ZNF600: variants seen among roughly 807,000 people sequenced by gnomAD.
The protein encoded by ZNF600 is zinc finger protein 600.
In ZNF600, 4 loss-of-function variants were observed where a neutral mutation model predicts 7.3. The observed-to-expected ratio is 0.55, with a 90% CI of 0.27 to 1.25. The LOEUF is 1.25. Among genes scored for constraint, ZNF600 ranks in the 50% most tolerant of loss-of-function variants. ZNF600 has a pLI of 0.12. For missense variants in ZNF600, 911 were observed against 922.1 expected (o/e 0.99, Z 0.16); for synonymous variants, 290 against 308.9 (o/e 0.94, Z 0.64).
At chr19:52,817,485 A>G in the ZNF600 span, among the ~76,000 whole-genome samples, 1 of 152,166 alleles carries the variant, frequency 6.6e-6, no homozygotes, top group Non-Finnish European at 1.5e-5. Flanking sequence ...TCACTCAATT[A>G]CCTAAAAATG....
upstream of ZNF600, among the ~76,000 whole-genome samples, chr19:52,787,755 GA>G (rs2062777554): frequency 6.7e-6 from 1 of 149,526 alleles, no homozygotes; most frequent in African/African-American, 2.5e-5. Flanking sequence ...AGCTACTAGG[GA>G]GGCTGAGACA....
chr19:52,808,197 CAA>C, the ZNF600 span: 40 of 1,595,262 alleles, frequency 2.5e-5, no homozygotes, highest in Non-Finnish European at 2.9e-5. Flanking sequence ...CAGAAAATGA[CAA>C]GAGAGGGGGA....
chr19:52,782,970 A>G (rs1357703054), intron 1 of ZNF600, among the ~76,000 whole-genome samples: 2 of 151,950 alleles, frequency 1.3e-5, no homozygotes, highest in Admixed American at 6.6e-5. Flanking sequence ...AGAGAACAAA[A>G]GCACTTTTAA....
intron 1 of ZNF600, among the ~76,000 whole-genome samples, chr19:52,784,574 T>A (rs997347710): frequency 2.6e-5 from 4 of 152,166 alleles, no homozygotes; most frequent in Non-Finnish European, 5.9e-5. Context: ...GATACCAAAA[T>A]TTATAGAATG....
chr19:52,809,835 G>A, the ZNF600 span: 12 of 559,638 alleles, frequency 2.1e-5, no homozygotes, highest in Admixed American at 1.4e-4. Context: ...CGGCGGCGGC[G>A]GCGGTGGCGG....
At chr19:52,808,020 G>T in the ZNF600 span, 3 of 1,613,322 alleles carry the variant, frequency 1.9e-6, no homozygotes, top group African/African-American at 2.7e-5. Context: ...GGGAGACCAG[G>T]TTCCTATAAT....
chr19:52,812,952 A>C, the ZNF600 span, among the ~76,000 whole-genome samples: 1 of 151,342 alleles, frequency 6.6e-6, no homozygotes, highest in African/African-American at 2.4e-5. Flanking sequence ...GAAATTCCAC[A>C]ATCTGAGCTT....
chr19:52,794,477 G>C, the ZNF600 span, among the ~76,000 whole-genome samples: 1 of 152,146 alleles, frequency 6.6e-6, no homozygotes, highest in African/African-American at 2.4e-5. Context: ...GAGAAGCTCC[G>C]AGTTGAGTCA....
chr19:52,810,242 T>C, the ZNF600 span: 5 of 1,231,844 alleles, frequency 4.1e-6, no homozygotes, highest in African/African-American at 4.4e-5. Context: ...GGAATATGAG[T>C]CTACCTCCAG....
intron 1 of ZNF600, among the ~76,000 whole-genome samples, chr19:52,784,831 T>C (rs780408232): frequency 6.6e-6 from 1 of 152,194 alleles, no homozygotes; most frequent in Non-Finnish European, 1.5e-5. Flanking sequence ...TGGGCTCAAG[T>C]GATCCTCCTG....
exon 4 of ZNF600, chr19:52,767,169 C>A: frequency 6.2e-7 from 1 of 1,614,128 alleles, no homozygotes; most frequent in South Asian, 1.1e-5. Context: ...AAAGAGCTTG[C>A]CACATACATC....
At chr19:52,807,231 C>A in the ZNF600 span, among the ~76,000 whole-genome samples, 1 of 93,008 alleles carries the variant, frequency 1.1e-5, no homozygotes, top group Non-Finnish European at 2.6e-5. Flanking sequence ...AAAGAAAGGA[C>A]CATAACATGC....
chr19:52,783,934 C>T (rs375708752), intron 1 of ZNF600, among the ~76,000 whole-genome samples: 2 of 152,046 alleles, frequency 1.3e-5, no homozygotes, highest in Admixed American at 6.6e-5. Flanking sequence ...ATTAGCAGGG[C>T]GTGGTGGCGC....
At chr19:52,792,487 C>T in the ZNF600 span, among the ~76,000 whole-genome samples, 3 of 152,134 alleles carry the variant, frequency 2.0e-5, no homozygotes, top group Admixed American at 2.0e-4. Flanking sequence ...CTGTGGGAGG[C>T]TGATGCAGTG....
the ZNF600 span, chr19:52,801,620 T>C: frequency 1.9e-6 from 3 of 1,614,058 alleles, no homozygotes; most frequent in Admixed American, 3.3e-5. Flanking sequence ...TTGCTTGTCT[T>C]TGCAATGTCC....
At chr19:52,821,563 A>C in the ZNF600 span, 1 of 152,120 alleles carries the variant, frequency 6.6e-6, no homozygotes, top group African/African-American at 2.4e-5. Flanking sequence ...CTCAGACTTA[A>C]CACCACACAG....
the ZNF600 span, chr19:52,809,975 G>A: frequency 1.3e-6 from 1 of 784,522 alleles, no homozygotes; most frequent in East Asian, 2.7e-5. Flanking sequence ...GGAACGGCCT[G>A]GAGTCTGAGG....
At chr19:52,782,812 T>G (rs576466589) in intron 1 of ZNF600, among the ~76,000 whole-genome samples, 2 of 151,796 alleles carry the variant, frequency 1.3e-5, no homozygotes, top group South Asian at 4.2e-4. Context: ...GAGCCGGAGG[T>G]TGCAGTGAGT....
chr19:52,817,629 G>A, the ZNF600 span, among the ~76,000 whole-genome samples: 28 of 152,162 alleles, frequency 1.8e-4, no homozygotes, highest in Admixed American at 1.6e-3. Flanking sequence ...AGCTGACAGT[G>A]CATCCAGATG....
Sources: allele counts gnomAD v4.1 joint callset (sites outside exome capture counted in the v4.1 genomes callset), GRCh38; gene constraint gnomAD v4.1.1; transcripts MANE v1.5; gene names NCBI Gene and HGNC (gene_info 2026-07-23, HGNC 2026-07-21).